The following DUSP16 variants were observed in gnomAD, a reference collection of about 807,000 sequenced individuals.
DUSP16 encodes dual specificity phosphatase 16, also known as dual specificity protein phosphatase 16.
Under a neutral mutation model 58.3 loss-of-function variants are expected in DUSP16, and 21 were observed. The ratio of observed to expected loss-of-function variants is 0.36; its 90% CI spans 0.26 to 0.52. DUSP16 has a LOEUF of 0.52. Among genes scored for constraint, DUSP16 ranks in the 20% least tolerant of loss-of-function variants. The pLI, the probability that DUSP16 is intolerant of heterozygous loss-of-function variation, is 0.94. For missense variants in DUSP16, 726 were observed against 819.0 expected, an observed-to-expected ratio of 0.89 and a Z score of 1.39; for synonymous variants, 320 against 323.8, an observed-to-expected ratio of 0.99 and a Z score of 0.12.
chr12:12,481,977 A>G (rs1327743205), intron 5 of DUSP16, among the ~76,000 whole-genome samples: 1 of 152,178 alleles, frequency 6.6e-6, no homozygotes, highest in Non-Finnish European at 1.5e-5. Context: ...CCTAGCCCCT[A>G]TTACTTGATT....
chr12:12,528,324 G>A (rs1055979101), intron 1 of DUSP16, among the ~76,000 whole-genome samples: 12 of 152,272 alleles, frequency 7.9e-5, no homozygotes, highest in African/African-American at 1.9e-4. Flanking sequence ...GAGAGGGGCC[G>A]GTGTATGGAG....
At chr12:12,525,337 C>T (rs986386784) in intron 1 of DUSP16, among the ~76,000 whole-genome samples, 5 of 151,812 alleles carry the variant, frequency 3.3e-5, no homozygotes, top group African/African-American at 1.2e-4. Flanking sequence ...TGGCGCATCT[C>T]GGCTCACCGC....
intron 3 of DUSP16, among the ~76,000 whole-genome samples, chr12:12,516,637 T>C (rs1011873528): frequency 1.3e-5 from 2 of 152,192 alleles, no homozygotes; most frequent in Non-Finnish European, 1.5e-5. Context: ...GAAAGTTTCA[T>C]ATTAGATATT....
In DUSP16 at chr12:12,487,105, T is replaced by C; in HGVS notation, c.614A>G (p.His205Arg). The C allele has an allele frequency of 6.2e-7, 1 of 1,614,140 alleles. No individual in the cohort carries two copies. Among genetic ancestry groups the C allele is most frequent in the Non-Finnish European group, 8.5e-7 (1 of 1,180,014 alleles). ...CPKPDFIPES[H>R]FLRVPVNDSF... Reference sequence around the variant, plus strand: ...GTCATTCACAGGCACACGCAGGAAATGAGACTCGGGGATAAAGTCAGGCTT... The same window carrying C: ...GTCATTCACAGGCACACGCAGGAAACGAGACTCGGGGATAAAGTCAGGCTT... The change falls in exon 5 of 7, where the codon CAT (histidine) becomes CGT (arginine). Residue 205 changes from histidine to arginine, a missense_variant. By Grantham distance (29) the His-to-Arg change is conservative. Transcript: ENST00000298573.
chr12:12,518,140 C>G (rs1668728258), intron 3 of DUSP16, among the ~76,000 whole-genome samples: 1 of 152,172 alleles, frequency 6.6e-6, no homozygotes, highest in Admixed American at 6.5e-5. Context: ...AAGGTCTCCC[C>G]ATAGGGTAAA....
chr12:12,557,455 C>CAAA (rs556746921), intron 1 of DUSP16, among the ~76,000 whole-genome samples: 2 of 57,402 alleles, frequency 3.5e-5, no homozygotes, highest in Non-Finnish European at 7.3e-5. Flanking sequence ...GACTCCGTCT[C>CAAA]AAAAAAAAAA....
rs749089518 is a variant in DUSP16 at position 12,476,920 on chromosome 12, C to T, written c.1911G>A (p.Met637Ile). Residue 637 changes from methionine to isoleucine, a missense_variant, in exon 7 of 7, where the codon ATG becomes ATA. Coordinates refer to ENST00000298573, the MANE Select transcript of DUSP16 (RefSeq NM_030640.3). Reference protein sequence around the residue: ...SCQMEFGESIMSENRSREELG... With the variant: ...SCQMEFGESIISENRSREELG... ...GCTCTTCCCGTGACCTGTTCTCTGA[C>T]ATGATGCTCTCTCCAAATTCCATTT... is the stretch of plus-strand genomic sequence containing the variant. 4 of 1,614,086 alleles carry T rather than the reference C, an allele frequency of 2.5e-6. No individual in the cohort carries two copies. The South Asian group carries it at 4.4e-5, about 18-fold the overall frequency.
Position 12,491,238 on chromosome 12 carries a change from ACAGGGT to A in DUSP16, c.532-4057_532-4052del, listed in dbSNP as rs1389556588. Reference sequence around the variant, plus strand: ...TAATTTTTGTTGGTGTTTTTAAGACACAGGGTCCCACCATGTTGTCCAGGCTAACCT... The same window carrying A: ...TAATTTTTGTTGGTGTTTTTAAGACACCCACCATGTTGTCCAGGCTAACCT... On this transcript the variant is annotated intron_variant, in intron 4 of 6. Transcript: ENST00000298573. 2.6e-5 allele frequency: 4 copies of A among 151,646 alleles called. No homozygotes were observed. In the East Asian group the frequency reaches 7.7e-4, roughly 29 times the overall value. 9.4% of individuals were successfully genotyped at this position (151,646 alleles called of 1,614,324 possible). A position where few individuals can be genotyped will look rare whatever the true frequency, so the allele number is the denominator to read the frequency against.
intron 3 of DUSP16, among the ~76,000 whole-genome samples, chr12:12,509,484 GAAAA>G (rs201749265): frequency 1.4e-5 from 2 of 139,406 alleles, no homozygotes; most frequent in African/African-American, 5.3e-5. Flanking sequence ...TGCGTTTAAA[GAAAA>G]AAAAAAAACA....
intron 1 of DUSP16, among the ~76,000 whole-genome samples, chr12:12,553,274 C>CAT (rs1944759082): frequency 6.6e-6 from 1 of 151,998 alleles, no homozygotes; most frequent in East Asian, 1.9e-4. Context: ...AAAAAAATAG[C>CAT]ACTTTTAAGT....
chr12:12,512,876 C>T (rs1944098918), intron 3 of DUSP16, among the ~76,000 whole-genome samples: 1 of 152,006 alleles, frequency 6.6e-6, no homozygotes, highest in African/African-American at 2.4e-5. Context: ...CTTCTCCAGA[C>T]AAAGGAGAAG....
intron 3 of DUSP16, among the ~76,000 whole-genome samples, chr12:12,506,751 C>T (rs578160551): frequency 1.3e-5 from 2 of 152,350 alleles, no homozygotes; most frequent in Non-Finnish European, 1.5e-5. Context: ...GGCAGAGAAG[C>T]GTCTTGGCCT....
Position 12,520,974 on chromosome 12 carries a change from A to G in DUSP16, c.125T>C (p.Ile42Thr). ...RPFVEYNTSH[I>T]LEAININCSK... Reference sequence around the variant, plus strand: ...GCAGTTGATATTAATGGCTTCCAAAATGTGGGATGTATTGTATTCCACAAA... The same window carrying G: ...GCAGTTGATATTAATGGCTTCCAAAGTGTGGGATGTATTGTATTCCACAAA... Residue 42 changes from isoleucine to threonine, a missense_variant, in exon 2 of 7, where the codon ATT (isoleucine) becomes ACT (threonine). By Grantham distance (89) the Ile-to-Thr change is moderately conservative (BLOSUM62 -1). Coordinates refer to ENST00000298573, the MANE Select transcript of DUSP16 (RefSeq NM_030640.3). 6.2e-7 allele frequency: 1 copy of G among 1,614,226 alleles called. No individual in the cohort carries two copies. Among genetic ancestry groups the G allele is most frequent in the Non-Finnish European group, 8.5e-7 (1 of 1,180,038 alleles).
intron 1 of DUSP16, among the ~76,000 whole-genome samples, chr12:12,556,592 AT>A (rs1944809689): frequency 6.6e-6 from 1 of 151,954 alleles, no homozygotes; most frequent in Non-Finnish European, 1.5e-5. Flanking sequence ...AAAAAAAAAA[AT>A]TAAAAACTGC....
chr12:12,520,492 C>T (rs188959719), intron 2 of DUSP16, among the ~76,000 whole-genome samples: 1 of 152,310 alleles, frequency 6.6e-6, no homozygotes, highest in African/African-American at 2.4e-5. Flanking sequence ...AATGTTACCA[C>T]ATGTGTTATG....
chr12:12,495,561 AAT>A (rs1356160021), intron 4 of DUSP16, among the ~76,000 whole-genome samples: 1 of 152,230 alleles, frequency 6.6e-6, no homozygotes, highest in African/African-American at 2.4e-5. Flanking sequence ...CTAATTTCTA[AAT>A]ATGAGTTCTA....
chr12:12,520,779 A>C (rs1944222305), intron 2 of DUSP16, 92 bp downstream of exon 2: 6 of 1,453,444 alleles, frequency 4.1e-6, no homozygotes, highest in Non-Finnish European at 5.6e-6. Context: ...TCCTCAAATT[A>C]CTTTCTCTAC....
chr12:12,527,433 G>A (rs970440169), intron 1 of DUSP16, among the ~76,000 whole-genome samples: 8 of 152,088 alleles, frequency 5.3e-5, no homozygotes, highest in Non-Finnish European at 8.8e-5. Flanking sequence ...CTGAGCTCTG[G>A]TATTTGGCAA....
intron 5 of DUSP16, among the ~76,000 whole-genome samples, chr12:12,485,002 T>G (rs1427140909): frequency 6.6e-6 from 1 of 150,794 alleles, no homozygotes; most frequent in Non-Finnish European, 1.5e-5. Context: ...TGTGGGGGTT[T>G]GTTTGTGATT....
Sources: gnomAD v4.1 joint callset for allele counts (sites outside exome capture counted in the v4.1 genomes callset) on GRCh38, gnomAD v4.1.1 for gene constraint, MANE v1.5 for transcripts, NCBI Gene and HGNC (gene_info 2026-07-23, HGNC 2026-07-21) for gene names.